FAT4: variants seen among roughly 807,000 people sequenced by gnomAD.
FAT4 encodes protocadherin Fat 4.
In FAT4, 84 loss-of-function variants were observed where a neutral mutation model predicts 303.9. That is an observed-to-expected ratio of 0.28 (90% confidence interval 0.23 to 0.33). FAT4 has a LOEUF of 0.33. Ranked by LOEUF, FAT4 falls within the 10% of genes least tolerant of loss-of-function variation. FAT4 has a pLI of 1.00. For synonymous variants in FAT4, 2,307 were observed against 2,298.8 expected (o/e 1.00, Z -0.10); for missense variants, 6,005 against 6,146.8 (o/e 0.98, Z 0.77).
At chr4:125,470,052 T>G (rs1440603796) in intron 12 of FAT4, among the ~76,000 whole-genome samples, 3 of 152,342 alleles carry the variant, frequency 2.0e-5, no homozygotes, top group Admixed American at 1.3e-4. Context: ...TTAGCAAGCA[T>G]GAAAACAACA....
intron 7 of FAT4, among the ~76,000 whole-genome samples, chr4:125,419,285 G>T (rs1012919017): frequency 6.6e-6 from 1 of 152,064 alleles, no homozygotes; most frequent in Non-Finnish European, 1.5e-5. Flanking sequence ...TACCTTAAAT[G>T]AATTGCTTCA....
In FAT4 at chr4:125,472,567, AACAG is replaced by A. The variant is rs1726900529; in HGVS notation, c.12214-3600_12214-3597del. Among the ~76,000 whole-genome samples the A allele has an allele frequency of 2.0e-5, 3 of 152,180 alleles. No individual in the cohort carries two copies. The South Asian group carries it at 6.2e-4, about 32-fold the overall frequency. ...TTAATTATTTTTGACCAGTACACAT[AACAG>A]ACAATCTATTATGAAAGAACAAAAT... On this transcript the variant is annotated intron_variant, in intron 12 of 17. Coordinates refer to ENST00000394329, the MANE Select transcript of FAT4 (RefSeq NM_001291303.3).
intron 2 of FAT4, among the ~76,000 whole-genome samples, chr4:125,368,397 T>C (rs1202513105): frequency 6.6e-6 from 1 of 151,166 alleles, no homozygotes; most frequent in Non-Finnish European, 1.5e-5. Context: ...AAAAAGACAT[T>C]TTAGAGTAGA....
At chr4:125,365,195 T>A (rs1732831170) in intron 2 of FAT4, among the ~76,000 whole-genome samples, 1 of 152,140 alleles carries the variant, frequency 6.6e-6, no homozygotes, top group Non-Finnish European at 1.5e-5. Context: ...GACAATAAAT[T>A]AGTTCAGGAC....
At chr4:125,441,962 A>G (rs1396267727) in intron 8 of FAT4, among the ~76,000 whole-genome samples, 1 of 152,192 alleles carries the variant, frequency 6.6e-6, no homozygotes, top group Non-Finnish European at 1.5e-5. Flanking sequence ...TTTTGTAAAT[A>G]AAGTGTTATT....
chr4:125,408,397 ACTT>A, intron 4 of FAT4, 44 bp from the exon 5 acceptor site: 1 of 1,260,350 alleles, frequency 7.9e-7, no homozygotes, highest in South Asian at 1.5e-5. Flanking sequence ...TCTTAGTAAT[ACTT>A]CTTACTTCCT....
At chr4:125,336,361 G>T (rs1731577089) in intron 2 of FAT4, among the ~76,000 whole-genome samples, 1 of 151,950 alleles carries the variant, frequency 6.6e-6, no homozygotes, top group Admixed American at 6.6e-5. Context: ...TTAATATAAT[G>T]CAAAGGTAGA....
intron 2 of FAT4, among the ~76,000 whole-genome samples, chr4:125,397,326 T>G (rs982299067): frequency 3.0e-4 from 45 of 152,140 alleles, no homozygotes; most frequent in African/African-American, 1.0e-3. Context: ...ATCTAGCTAA[T>G]AAGTGTCAGA....
intron 8 of FAT4, among the ~76,000 whole-genome samples, chr4:125,442,386 C>T (rs778940165): frequency 5.9e-5 from 9 of 151,894 alleles, no homozygotes; most frequent in Admixed American, 1.3e-4. Flanking sequence ...CCTACTTAAC[C>T]GTGTCTCTGT....
chr4:125,477,181 T>G lies in FAT4; in HGVS notation c.12326T>G (p.Val4109Gly). 1 of 1,393,670 alleles carries G rather than the reference T, an allele frequency of 7.2e-7. No homozygotes were observed. Among genetic ancestry groups the G allele is most frequent in the East Asian group, 2.7e-5 (1 of 37,218 alleles). The allele number at this position is 1,393,670 out of a possible 1,614,324, so 86.3% of individuals were successfully genotyped here. The part of the protein sequence containing the change: ...DWTLDVQPNR[V>G]TVGGIRSLEP... ...ACTCTTGATGTTCAGCCAAATAGAG[T>G]TACAGTTGGAGGTATCAGATCTCTA... is the stretch of plus-strand genomic sequence containing the variant. Residue 4109 changes from valine (V) to glycine (G), a missense_variant, in exon 14 of 18, where the codon GTT becomes GGT. Transcript: ENST00000394329.
At position 125,398,829 on chromosome 4, in the gene FAT4, C is replaced by G. The variant is rs1247766932; in HGVS notation, c.5221C>G (p.Pro1741Ala). The change falls in exon 3 of 18, where the codon CCA becomes GCA. Residue 1741 changes from proline to alanine, a missense_variant. Physicochemically the swap from Pro to Ala is conservative, Grantham distance 27. Coordinates refer to ENST00000394329, the MANE Select transcript of FAT4 (RefSeq NM_001291303.3). Reference protein sequence around the residue: ...QDINDNPPVFPTDMLDLTVEE... With the variant: ...QDINDNPPVFATDMLDLTVEE... The stretch of plus-strand genomic sequence containing the variant: ...TATCAATGACAATCCACCAGTATTT[C>G]CAACGGACATGCTGGATCTCACGGT... 1 of 1,613,216 alleles carries G rather than the reference C, an allele frequency of 6.2e-7. No individual in the cohort carries two copies. The highest frequency in any genetic ancestry group is 2.2e-5 in the East Asian group (1 of 44,840).
rs1358662701 is a variant in FAT4, at chr4:125,415,796, C to T, written c.6833C>T (p.Thr2278Ile). The change falls in exon 6 of 18, where the codon ACA becomes ATA. Residue 2278 changes from threonine (T) to isoleucine (I), a missense_variant. Transcript: ENST00000394329. The stretch of plus-strand genomic sequence containing the variant: ...GAGAATTTAGGGACACTACCCAGAA[C>T]AATTCTTCAGGTCAGTATATTTAAA... Reference protein sequence around the residue: ...VPENLGTLPRTILQVVARDDD... With the variant: ...VPENLGTLPRIILQVVARDDD... 1 of 1,608,748 alleles carries T rather than the reference C, an allele frequency of 6.2e-7. No individual in the cohort carries two copies. The highest frequency in any genetic ancestry group is 8.5e-7 in the Non-Finnish European group (1 of 1,176,476).
At chr4:125,386,228 T>A (rs1472261261) in intron 2 of FAT4, among the ~76,000 whole-genome samples, 1 of 152,182 alleles carries the variant, frequency 6.6e-6, no homozygotes, top group Non-Finnish European at 1.5e-5. Context: ...ATCTAAATGT[T>A]TCACTGTTTG....
In FAT4 at chr4:125,320,618, A is replaced by G. The variant is rs758272022; in HGVS notation, c.4207A>G (p.Thr1403Ala). 18 of 1,614,164 alleles carry G rather than the reference A, an allele frequency of 1.1e-5. No individual in the cohort carries two copies. Among genetic ancestry groups the G allele is most frequent in the South Asian group, 4.4e-5 (4 of 91,090 alleles). The change falls in exon 2 of 18, where the codon ACA becomes GCA. Residue 1403 changes from threonine to alanine, a missense_variant. Thr to Ala is a moderately conservative substitution (Grantham distance 58, BLOSUM62 0). Coordinates refer to ENST00000394329, the MANE Select transcript of FAT4 (RefSeq NM_001291303.3). ...CCAAGGAAGACCTCCTCGTTCATCT[A>G]CAATGTCAGTGGTTATTCACGTGAG... ...KDQGRPPRSSTMSVVIHVRDF... is the reference protein window; with the variant it reads ...KDQGRPPRSSAMSVVIHVRDF...
intron 2 of FAT4, among the ~76,000 whole-genome samples, chr4:125,355,412 T>TACCTAC (rs1732388098): frequency 6.6e-6 from 1 of 151,950 alleles, no homozygotes; most frequent in Non-Finnish European, 1.5e-5. Flanking sequence ...TCCAAATGCA[T>TACCTAC]GTAGGTAAAT....
chr4:125,478,460 C>A (rs769180720), intron 14 of FAT4, among the ~76,000 whole-genome samples: 3 of 151,994 alleles, frequency 2.0e-5, no homozygotes, highest in Non-Finnish European at 2.9e-5. Context: ...CCTACTGAAA[C>A]AAAACTTTTA....
chr4:125,369,383 G>A (rs1733016383), intron 2 of FAT4, among the ~76,000 whole-genome samples: 1 of 152,084 alleles, frequency 6.6e-6, no homozygotes, highest in Admixed American at 6.6e-5. Context: ...AGTGAGCTGA[G>A]ATTGCCTCAT....
rs370574664 is a variant in FAT4, at chr4:125,317,896, T to C, written c.1485T>C (p.Ser495=). ...SEEAPPGSYV[S]GISATDGDSG... is the part of the protein sequence containing the mutation. ...AGGCGCCTCCGGGAAGCTATGTGAGTGGGATATCTGCCACTGATGGCGACT... is the reference window on the plus strand; with the variant it reads ...AGGCGCCTCCGGGAAGCTATGTGAGCGGGATATCTGCCACTGATGGCGACT... The change falls in exon 2 of 18, where the codon AGT becomes AGC. Residue 495 remains serine (S), a synonymous_variant. Coordinates refer to ENST00000394329, the MANE Select transcript of FAT4 (RefSeq NM_001291303.3). The surrounding 1 kb of genome is among the most constrained non-coding windows in gnomAD (Gnocchi z 7.0). 5.0e-6 allele frequency: 8 copies of C among 1,613,852 alleles called. No homozygotes were observed. Among genetic ancestry groups the C allele is most frequent in the Non-Finnish European group, 6.8e-6 (8 of 1,179,968 alleles).
chr4:125,318,063 A>G lies in FAT4; in HGVS notation c.1652A>G (p.Asn551Ser). 1 of 1,614,130 alleles carries G rather than the reference A, an allele frequency of 6.2e-7. No homozygotes were observed. The highest frequency in any genetic ancestry group is 8.5e-7 in the Non-Finnish European group (1 of 1,180,020). The part of the protein sequence containing the change: ...DRELASQIVL[N>S]ISARDQGVHP... ...GAACTTGCTTCCCAGATTGTTCTGA[A>G]TATAAGTGCCCGGGACCAGGGAGTT... The change falls in exon 2 of 18, where the codon AAT becomes AGT. Residue 551 changes from asparagine to serine, a missense_variant. Coordinates refer to ENST00000394329, the MANE Select transcript of FAT4 (RefSeq NM_001291303.3).
Sources: gnomAD v4.1 joint callset for allele counts (sites outside exome capture counted in the v4.1 genomes callset) on GRCh38, gnomAD v4.1.1 for gene constraint, Gnocchi (gnomAD v3.1) non-coding constraint, MANE v1.5 for transcripts, NCBI Gene and HGNC (gene_info 2026-07-23, HGNC 2026-07-21) for gene names.